Variants in PCBP3 observed in about 807,000 individuals in gnomAD.
The protein encoded by PCBP3 is poly(rC) binding protein 3.
A neutral mutation model predicts 52.7 loss-of-function variants in PCBP3; 25 were observed. The ratio of observed to expected loss-of-function variants is 0.47; its 90% CI spans 0.35 to 0.66. The LOEUF is 0.66. PCBP3 is among the 30% of genes least tolerant of loss of function. PCBP3 has a pLI of 0.01. For missense variants in PCBP3, 391 were observed against 490.3 expected, an observed-to-expected ratio of 0.80 and a Z score of 1.91; for synonymous variants, 162 against 183.0, an observed-to-expected ratio of 0.89 and a Z score of 0.93.
chr21:45,669,733 A>ATGT (rs1409277051), intron 2 of PCBP3, among the ~76,000 whole-genome samples: 1 of 147,734 alleles, frequency 6.8e-6, no homozygotes, highest in East Asian at 2.0e-4. Flanking sequence ...GGGTTCATCC[A>ATGT]TGTTGTAGCA....
Position 45,891,957 on chromosome 21 carries a change from G to C in PCBP3, c.11-4251G>C, listed in dbSNP as rs527879123. ...CTGAGTCAGGACGTCCACACAGCCT[G>C]CCTTCCACAGAGCACCACCGGCCTA... On this transcript the variant is annotated intron_variant, in intron 5 of 17. Coordinates refer to ENST00000681687, the MANE Select transcript of PCBP3 (RefSeq NM_001384156.1). 7.9e-5 allele frequency among the ~76,000 whole-genome samples: 12 copies of C among 152,306 alleles called. No individual in the cohort carries two copies. In the South Asian group the frequency reaches 2.5e-3, roughly 32 times the overall value.
intron 4 of PCBP3, among the ~76,000 whole-genome samples, chr21:45,823,250 G>A (rs1312349580): frequency 4.6e-5 from 7 of 152,098 alleles, no homozygotes; most frequent in African/African-American, 1.2e-4. Context: ...CCTGCATGTC[G>A]TCCTCCCCAG....
At chr21:45,874,166 T>C (rs1006695146) in intron 5 of PCBP3, among the ~76,000 whole-genome samples, 6 of 152,246 alleles carry the variant, frequency 3.9e-5, no homozygotes, top group Non-Finnish European at 8.8e-5. Context: ...ATGAGCTACA[T>C]TGCTGCAGCT....
At chr21:45,664,061 C>G (rs1394639064) in intron 1 of PCBP3, among the ~76,000 whole-genome samples, 2 of 142,124 alleles carry the variant, frequency 1.4e-5, no homozygotes, top group Non-Finnish European at 3.0e-5. Context: ...ATTAAAAATA[C>G]AAACTCACAT....
chr21:45,815,821 G>A lies in PCBP3; in HGVS notation c.-125-34140G>A, dbSNP rs111220572. ...GTGATGAGTGAGTGGTGAGTGAGTGGTGAGTGGTGAGTGAGTGGTGAGTGA... is the reference window on the plus strand; with the variant it reads ...GTGATGAGTGAGTGGTGAGTGAGTGATGAGTGGTGAGTGAGTGGTGAGTGA... On this transcript the variant is annotated intron_variant, in intron 4 of 17. Transcript: ENST00000681687. Among the ~76,000 whole-genome samples, 5 of 116,786 alleles carry A rather than the reference G, an allele frequency of 4.3e-5. No homozygotes were observed. The East Asian group carries it at 9.1e-4, about 21-fold the overall frequency. 76.6% of individuals were successfully genotyped at this position (116,786 alleles called of 152,430 possible).
chr21:45,794,505 CCT>C (rs1403455272), intron 4 of PCBP3, among the ~76,000 whole-genome samples: 1 of 152,164 alleles, frequency 6.6e-6, no homozygotes, highest in African/African-American at 2.4e-5. Flanking sequence ...ACGAAGAAAA[CCT>C]CATCAATTCA....
chr21:45,841,199 T>C (rs1603449028), intron 4 of PCBP3, among the ~76,000 whole-genome samples: 1 of 152,260 alleles, frequency 6.6e-6, no homozygotes, highest in African/African-American at 2.4e-5. Flanking sequence ...AACGCAGGAC[T>C]GTGTGTCTCC....
intron 2 of PCBP3, among the ~76,000 whole-genome samples, chr21:45,709,250 G>A (rs994166023): frequency 6.6e-6 from 1 of 152,200 alleles, no homozygotes; most frequent in Non-Finnish European, 1.5e-5. Context: ...TTCACTGTAA[G>A]AATTAAGAAA....
At chr21:45,869,706 GA>G (rs2094922117) in intron 5 of PCBP3, among the ~76,000 whole-genome samples, 1 of 142,042 alleles carries the variant, frequency 7.0e-6, no homozygotes, top group Admixed American at 6.9e-5. Flanking sequence ...TCGGTGGACA[GA>G]AGGGCAGTGG....
At position 45,914,043 on chromosome 21, in the gene PCBP3, C is replaced by A; in HGVS notation, c.675+18C>A. The A allele has an allele frequency of 1.2e-6, 2 of 1,613,360 alleles. No homozygotes were observed. Among genetic ancestry groups the A allele is most frequent in the Non-Finnish European group, 1.7e-6 (2 of 1,179,916 alleles). ...GTGGTCAGGTAAGAGCCGATCCGCT[C>A]GCGGCCTCCACTGCCAACCTCAGCC... On this transcript the variant is annotated intron_variant, in intron 12 of 17. Coordinates refer to ENST00000681687, the MANE Select transcript of PCBP3 (RefSeq NM_001384156.1).
intron 4 of PCBP3, among the ~76,000 whole-genome samples, chr21:45,822,840 G>A (rs879661762): frequency 1.3e-5 from 2 of 152,184 alleles, no homozygotes; most frequent in Non-Finnish European, 2.9e-5. Flanking sequence ...CTATCCCTCT[G>A]CTGGGATCTG....
intron 5 of PCBP3, among the ~76,000 whole-genome samples, chr21:45,885,720 T>C (rs139127704): frequency 6.6e-6 from 1 of 152,334 alleles, no homozygotes; most frequent in East Asian, 1.9e-4. Context: ...CATCTCCCAT[T>C]AGCTTGGTGG....
At position 45,833,201 on chromosome 21, in the gene PCBP3, G is replaced by A. The variant is rs189636840; in HGVS notation, c.-125-16760G>A. On this transcript the variant is annotated intron_variant, in intron 4 of 17. Coordinates refer to ENST00000681687, the MANE Select transcript of PCBP3 (RefSeq NM_001384156.1). ...CAGGCAGGAGATACCCCCACCTCGC[G>A]GTTATTAAATAACTATGTTACATAG... 1.8e-3 allele frequency among the ~76,000 whole-genome samples: 279 copies of A among 152,306 alleles called. 2 individuals are homozygous for A. Among genetic ancestry groups the A allele is most frequent in the Non-Finnish European group, 7.1e-4 (48 of 68,028 alleles).
At chr21:45,864,614 G>C (rs964611386) in intron 5 of PCBP3, among the ~76,000 whole-genome samples, 5 of 152,154 alleles carry the variant, frequency 3.3e-5, no homozygotes, top group African/African-American at 9.7e-5. Flanking sequence ...TGTCTGTGTG[G>C]TGTGTCGACC....
intron 1 of PCBP3, among the ~76,000 whole-genome samples, 174 bp downstream of exon 1, chr21:45,644,042 C>T (rs892239048): frequency 1.0e-4 from 15 of 149,924 alleles, no homozygotes; most frequent in Admixed American, 2.7e-4. Context: ...GCCGCCGGCG[C>T]CTGCGGCGGC....
At chr21:45,875,052 A>ACTG (rs1393502492) in intron 5 of PCBP3, among the ~76,000 whole-genome samples, 1 of 152,246 alleles carries the variant, frequency 6.6e-6, no homozygotes, top group Non-Finnish European at 1.5e-5. Flanking sequence ...AAAGCCAGTC[A>ACTG]CTGAGCCCGA....
At chr21:45,686,290 A>T (rs1464165806) in intron 2 of PCBP3, among the ~76,000 whole-genome samples, 2 of 152,196 alleles carry the variant, frequency 1.3e-5, no homozygotes, top group Non-Finnish European at 2.9e-5. Flanking sequence ...AGAATGGAGC[A>T]TCCCTCCTGA....
intron 2 of PCBP3, among the ~76,000 whole-genome samples, chr21:45,726,830 A>G (rs918345872): frequency 2.0e-5 from 3 of 152,116 alleles, no homozygotes; most frequent in African/African-American, 7.2e-5. Context: ...ATTTTCTTTG[A>G]AGTACCTGAT....
intron 5 of PCBP3, among the ~76,000 whole-genome samples, chr21:45,861,811 C>T (rs1020276221): frequency 1.3e-5 from 2 of 152,152 alleles, no homozygotes; most frequent in African/African-American, 4.8e-5. Context: ...AGAGACAGAA[C>T]GGGATCCACT....
Sources: gnomAD v4.1 joint callset for allele counts (sites outside exome capture counted in the v4.1 genomes callset) on GRCh38, gnomAD v4.1.1 for gene constraint, MANE v1.5 for transcripts, NCBI Gene and HGNC (gene_info 2026-07-23, HGNC 2026-07-21) for gene names.